SUMF1: variants seen among roughly 807,000 people sequenced by gnomAD.
SUMF1 encodes formylglycine-generating enzyme.
A neutral mutation model predicts 47.6 loss-of-function variants in SUMF1; 48 were observed. The observed-to-expected ratio is 1.01, with a 90% confidence interval of 0.80 to 1.28. The LOEUF (loss-of-function observed/expected upper bound fraction) is 1.28. SUMF1 is among the 50% of genes most tolerant of loss of function. The pLI is 0.00. For synonymous variants in SUMF1, 230 were observed against 192.1 expected (o/e 1.20, Z -1.63); for missense variants, 571 against 485.4 (o/e 1.18, Z -1.66).
At chr3:4,300,441 G>A (rs1205187858) in intron 8 of SUMF1, among the ~76,000 whole-genome samples, 1 of 152,160 alleles carries the variant, frequency 6.6e-6, no homozygotes, top group Non-Finnish European at 1.5e-5. Flanking sequence ...TATCAGATGT[G>A]TACTCAAAAA....
intron 8 of SUMF1, among the ~76,000 whole-genome samples, chr3:4,162,566 G>A (rs1377890680): frequency 6.6e-6 from 1 of 152,164 alleles, no homozygotes; most frequent in Non-Finnish European, 1.5e-5. Context: ...TCAGCTTGGT[G>A]TTGCTTTCTA....
At chr3:4,131,617 T>C (rs1478721164) in intron 8 of SUMF1, among the ~76,000 whole-genome samples, 1 of 152,154 alleles carries the variant, frequency 6.6e-6, no homozygotes, top group Non-Finnish European at 1.5e-5. Flanking sequence ...ATTCATGGGC[T>C]GTAGCTAATG....
chr3:4,388,003 T>G (rs1374715572), intron 7 of SUMF1, among the ~76,000 whole-genome samples: 3 of 152,070 alleles, frequency 2.0e-5, no homozygotes, highest in African/African-American at 7.2e-5. Flanking sequence ...TGGTCTAACT[T>G]GGTATATGTT....
chr3:4,439,944 G>C (rs1016408522), intron 3 of SUMF1, among the ~76,000 whole-genome samples: 1 of 152,030 alleles, frequency 6.6e-6, no homozygotes, highest in Non-Finnish European at 1.5e-5. Flanking sequence ...TCAAAATGAT[G>C]CTGAGCAGGC....
At chr3:4,268,309 G>C (rs912053722) in intron 8 of SUMF1, among the ~76,000 whole-genome samples, 2 of 152,018 alleles carry the variant, frequency 1.3e-5, no homozygotes, top group Non-Finnish European at 2.9e-5. Flanking sequence ...GGGAGGGATA[G>C]CATTGGGAGA....
chr3:4,099,896 GA>G (rs138100557), intron 8 of SUMF1, among the ~76,000 whole-genome samples: 2 of 150,454 alleles, frequency 1.3e-5, no homozygotes, highest in African/African-American at 2.4e-5. Flanking sequence ...TTAAACTAAG[GA>G]AAAAAAAGAT....
chr3:4,244,856 C>T (rs577712221), intron 8 of SUMF1, among the ~76,000 whole-genome samples: 1 of 152,054 alleles, frequency 6.6e-6, no homozygotes. Flanking sequence ...CAACTGATTC[C>T]ATTCTCCCCA....
chr3:4,276,697 C>A (rs1273162413), intron 8 of SUMF1, among the ~76,000 whole-genome samples: 1 of 152,140 alleles, frequency 6.6e-6, no homozygotes, highest in Non-Finnish European at 1.5e-5. Context: ...TTGGGAACAA[C>A]AAGCTACGGT....
chr3:4,117,748 G>A lies in SUMF1; in HGVS notation c.1015-49003C>T, dbSNP rs543091220. ...AAATCAAAAAATGTAACTTAAACAT[G>A]AATCTCTCCCCTGATTTCTCATGCT... is the stretch of plus-strand genomic sequence containing the variant. On this transcript the variant is annotated intron_variant and NMD_transcript_variant, in intron 8 of 12. Transcript: ENST00000448413. 1.2e-3 allele frequency among the ~76,000 whole-genome samples: 181 copies of A among 150,990 alleles called. 1 individual carries two copies. Among genetic ancestry groups the A allele is most frequent in the Middle Eastern group, 3.4e-3 (1 of 294 alleles).
intron 8 of SUMF1, among the ~76,000 whole-genome samples, chr3:4,266,952 C>G (rs1423044882): frequency 6.9e-6 from 1 of 144,402 alleles, no homozygotes; most frequent in Admixed American, 6.9e-5. Context: ...TGAATTTTGT[C>G]AAAGGCCTTT....
chr3:4,163,132 T>C (rs1406258500), intron 8 of SUMF1, among the ~76,000 whole-genome samples: 2 of 140,854 alleles, frequency 1.4e-5, no homozygotes, highest in Admixed American at 7.0e-5. Flanking sequence ...AAAAAAAAAA[T>C]CACTGTCTAC....
intron 8 of SUMF1, among the ~76,000 whole-genome samples, chr3:4,114,920 G>A (rs1693387214): frequency 6.6e-6 from 1 of 152,096 alleles, no homozygotes; most frequent in Admixed American, 6.6e-5. Flanking sequence ...AGAAGGCAGG[G>A]AAGCACTGGG....
At chr3:4,107,290 CAG>C (rs1693180055) in intron 8 of SUMF1, among the ~76,000 whole-genome samples, 1 of 152,120 alleles carries the variant, frequency 6.6e-6, no homozygotes, top group African/African-American at 2.4e-5. Context: ...GAGCTGTGCA[CAG>C]AGTTAACCTT....
At chr3:4,041,664 T>C (rs909751996) in intron 9 of SUMF1, among the ~76,000 whole-genome samples, 2 of 152,154 alleles carry the variant, frequency 1.3e-5, no homozygotes, top group African/African-American at 4.8e-5. Context: ...TATGCGTAGG[T>C]GACATTCTAC....
chr3:4,077,689 G>A (rs1450811768), intron 8 of SUMF1, among the ~76,000 whole-genome samples: 1 of 152,012 alleles, frequency 6.6e-6, no homozygotes, highest in Non-Finnish European at 1.5e-5. Flanking sequence ...ATAGCATTAG[G>A]AGAAATACCT....
At chr3:4,041,902 G>GCTGTTCTTCCAGACCACATGAAAGGTA (rs1300137922) in intron 9 of SUMF1, among the ~76,000 whole-genome samples, 4 of 152,100 alleles carry the variant, frequency 2.6e-5, no homozygotes, top group Non-Finnish European at 2.9e-5. Context: ...AATCCCGGGT[G>GCTGTTCTTCCAGACCACATGAAAGGTA]CTGTTCTTCC....
chr3:4,236,241 T>C (rs1362172701), intron 8 of SUMF1, among the ~76,000 whole-genome samples: 1 of 152,048 alleles, frequency 6.6e-6, no homozygotes, highest in African/African-American at 2.4e-5. Context: ...AAAAACCACA[T>C]ATCTAACAGA....
At position 4,418,142 on chromosome 3, in the gene SUMF1, A is replaced by G; in HGVS notation, c.603-10T>C. 1.9e-6 allele frequency: 3 copies of G among 1,613,994 alleles called. No homozygotes were observed. The highest frequency in any genetic ancestry group is 1.1e-5 in the South Asian group (1 of 91,072). On this transcript the variant is annotated splice_polypyrimidine_tract_variant and intron_variant, in intron 4 of 8. Coordinates refer to ENST00000272902, the MANE Select transcript of SUMF1 (RefSeq NM_182760.4). Reference sequence around the variant, plus strand: ...AACTGGATGATCCGGCCTGGGGAAGAGCAAAAGTAGAATGAAAAGTGACAC... The same window carrying G: ...AACTGGATGATCCGGCCTGGGGAAGGGCAAAAGTAGAATGAAAAGTGACAC...
At chr3:4,158,155 G>T (rs1409529657) in intron 8 of SUMF1, among the ~76,000 whole-genome samples, 4 of 151,574 alleles carry the variant, frequency 2.6e-5, no homozygotes, top group Admixed American at 2.0e-4. Context: ...TGCCTTCAAG[G>T]AACTTATTAT....
Sources: gnomAD v4.1 joint callset for allele counts (sites outside exome capture counted in the v4.1 genomes callset) on GRCh38, gnomAD v4.1.1 for gene constraint, MANE v1.5 for transcripts, NCBI Gene and HGNC (gene_info 2026-07-23, HGNC 2026-07-21) for gene names.